Variants in SMIM36 observed in about 807,000 individuals in gnomAD.
SMIM36 encodes the protein small integral membrane protein 36.
At chr17:55,456,360 C>A (rs1909024161) in intron 4 of SMIM36, among the ~76,000 whole-genome samples, 1 of 152,168 alleles carries the variant, frequency 6.6e-6, no homozygotes, top group Admixed American at 6.5e-5. Context: ...TGCTGTGCCT[C>A]AGTTTTCTCA....
chr17:55,459,854 A>G (rs1909105150), intron 4 of SMIM36, among the ~76,000 whole-genome samples: 2 of 152,110 alleles, frequency 1.3e-5, no homozygotes, highest in South Asian at 4.1e-4. Context: ...ATAAAAAGCT[A>G]GGCATGGTGG....
intron 4 of SMIM36, among the ~76,000 whole-genome samples, chr17:55,464,793 T>G (rs1356804831): frequency 6.6e-6 from 1 of 152,186 alleles, no homozygotes; most frequent in Non-Finnish European, 1.5e-5. Flanking sequence ...TGGGAACCAG[T>G]TCCCTAATCT....
intron 4 of SMIM36, among the ~76,000 whole-genome samples, chr17:55,453,277 G>A (rs1055343004): frequency 6.0e-5 from 9 of 151,002 alleles, no homozygotes; most frequent in African/African-American, 7.4e-5. Flanking sequence ...TGATCAAGCC[G>A]CTGTACCCCA....
intron 3 of SMIM36, chr17:55,477,086 A>C (rs949967322): frequency 2.6e-5 from 4 of 152,246 alleles, no homozygotes; most frequent in African/African-American, 4.8e-5. Flanking sequence ...AGGCTGAGAC[A>C]GGAGGATTGC....
intron 1 of SMIM36, among the ~76,000 whole-genome samples, chr17:55,497,372 C>G (rs1026646225): frequency 6.6e-6 from 1 of 152,160 alleles, no homozygotes; most frequent in African/African-American, 2.4e-5. Flanking sequence ...TCAAGCGATT[C>G]TCCTGCCTTA....
the SMIM36 span, among the ~76,000 whole-genome samples, chr17:55,531,808 G>A: frequency 6.6e-6 from 1 of 152,132 alleles, no homozygotes; most frequent in East Asian, 1.9e-4. Context: ...TAAATGAGGA[G>A]GACACAATAG....
upstream of SMIM36, among the ~76,000 whole-genome samples, chr17:55,516,206 C>T (rs2144728742): frequency 6.6e-6 from 1 of 152,246 alleles, no homozygotes. Context: ...AACAATGTAG[C>T]TAGGGATAAT....
At chr17:55,531,144 T>C in the SMIM36 span, among the ~76,000 whole-genome samples, 129 of 152,246 alleles carry the variant, frequency 8.5e-4, no homozygotes, top group Middle Eastern at 6.8e-3. Context: ...CCATGGTTAT[T>C]AAAGGCCAAA....
chr17:55,511,230 G>A (rs141358547), exon 1 of SMIM36: 6 of 398,652 alleles, frequency 1.5e-5, no homozygotes, highest in Admixed American at 4.4e-5. Context: ...CTCGGCAGTC[G>A]TATAGCACGC....
chr17:55,497,585 AC>A lies in SMIM36; in HGVS notation c.*174+13293del, dbSNP rs371615024. 2.3e-3 allele frequency among the ~76,000 whole-genome samples: 349 copies of A among 152,036 alleles called. 2 individuals are homozygous for A. The highest frequency in any genetic ancestry group is 8.1e-3 in the African/African-American group (335 of 41,488). Reference sequence around the variant, plus strand: ...CAGCCTACCCTCTTAAAAAAACACAACCTGGTGGTGTGCTCCTGTAATTCCA... The same window carrying A: ...CAGCCTACCCTCTTAAAAAAACACAACTGGTGGTGTGCTCCTGTAATTCCA... On this transcript the variant is annotated intron_variant, in intron 1 of 4. Transcript: ENST00000636752.
chr17:55,490,257 A>T, intron 1 of SMIM36, among the ~76,000 whole-genome samples: 1 of 152,134 alleles, frequency 6.6e-6, no homozygotes, highest in Non-Finnish European at 1.5e-5. Context: ...CTAGAAGGGC[A>T]CTTGGGGTCC....
intron 3 of SMIM36, among the ~76,000 whole-genome samples, chr17:55,476,021 C>T (rs1310078405): frequency 6.6e-6 from 1 of 152,142 alleles, no homozygotes; most frequent in Non-Finnish European, 1.5e-5. Flanking sequence ...ATTTTCGCCA[C>T]CCCAACATTT....
At chr17:55,491,931 G>T (rs1044738849) in intron 1 of SMIM36, among the ~76,000 whole-genome samples, 2 of 152,034 alleles carry the variant, frequency 1.3e-5, no homozygotes, top group Non-Finnish European at 2.9e-5. Flanking sequence ...AGGCCGAGGT[G>T]GGGGAATCAC....
chr17:55,521,279 A>T, the SMIM36 span, among the ~76,000 whole-genome samples: 1 of 152,240 alleles, frequency 6.6e-6, no homozygotes, highest in African/African-American at 2.4e-5. Context: ...AATTAGAGAG[A>T]AGAGTTTTGT....
intron 1 of SMIM36, among the ~76,000 whole-genome samples, chr17:55,502,284 CA>C (rs1254591010): frequency 1.4e-5 from 2 of 145,906 alleles, no homozygotes; most frequent in Admixed American, 1.4e-4. Context: ...CACAGACAAA[CA>C]AAAAGACAGC....
At chr17:55,454,624 A>G (rs1908983537) in intron 4 of SMIM36, among the ~76,000 whole-genome samples, 1 of 152,212 alleles carries the variant, frequency 6.6e-6, no homozygotes, top group African/African-American at 2.4e-5. Flanking sequence ...TTTTACATTA[A>G]TGATGATAGT....
At chr17:55,459,994 A>C (rs1909108724) in intron 4 of SMIM36, among the ~76,000 whole-genome samples, 1 of 152,196 alleles carries the variant, frequency 6.6e-6, no homozygotes, top group African/African-American at 2.4e-5. Flanking sequence ...CCTGTTTCTC[A>C]AATAAATAAA....
chr17:55,478,571 G>A (rs1198254818), intron 3 of SMIM36, among the ~76,000 whole-genome samples, 191 bp downstream of exon 3: 1 of 152,060 alleles, frequency 6.6e-6, no homozygotes, highest in Non-Finnish European at 1.5e-5. Flanking sequence ...CCAACCATCT[G>A]GTAGGATTTA....
At chr17:55,475,510 A>G (rs984627633) in intron 3 of SMIM36, among the ~76,000 whole-genome samples, 1 of 152,150 alleles carries the variant, frequency 6.6e-6, no homozygotes, top group Non-Finnish European at 1.5e-5. Flanking sequence ...CTGGCTTTGC[A>G]TTTCTCTTTC....
Sources: gnomAD v4.1 joint callset for allele counts (sites outside exome capture counted in the v4.1 genomes callset) on GRCh38, gnomAD v4.1.1 for gene constraint, MANE v1.5 for transcripts, NCBI Gene and HGNC (gene_info 2026-07-23, HGNC 2026-07-21) for gene names.